Variants in ANKIB1 observed in about 807,000 individuals in gnomAD.
ANKIB1 encodes the protein ankyrin repeat and IBR domain-containing protein 1.
A neutral mutation model predicts 122.1 loss-of-function variants in ANKIB1; 43 were observed. The observed-to-expected ratio is 0.35, with a 90% CI of 0.28 to 0.45. The LOEUF (loss-of-function observed/expected upper bound fraction) is 0.45, where lower values mean the gene tolerates loss of function less well. Ranked by LOEUF, ANKIB1 falls within the 20% of genes least tolerant of loss-of-function variation. The pLI, the probability that ANKIB1 is intolerant of heterozygous loss-of-function variation, is 1.00. For missense variants in ANKIB1, 992 were observed against 1,329.5 expected (o/e 0.75, Z 3.95); for synonymous variants, 390 against 442.0 (o/e 0.88, Z 1.48).
At chr7:92,314,409 C>A (rs534076811) in intron 3 of ANKIB1, among the ~76,000 whole-genome samples, 1 of 152,242 alleles carries the variant, frequency 6.6e-6, no homozygotes, top group Admixed American at 6.5e-5. Context: ...GGGGTACTTC[C>A]AAAGCAGTGT....
At chr7:92,325,515 T>G (rs1250528623) in intron 4 of ANKIB1, among the ~76,000 whole-genome samples, 3 of 152,182 alleles carry the variant, frequency 2.0e-5, no homozygotes, top group Non-Finnish European at 4.4e-5. Flanking sequence ...AGCTCATGGA[T>G]CAGCTAATGA....
intron 3 of ANKIB1, among the ~76,000 whole-genome samples, chr7:92,309,006 A>G (rs769769135): frequency 6.6e-6 from 1 of 152,230 alleles, no homozygotes; most frequent in African/African-American, 2.4e-5. Flanking sequence ...TACCAAAAAT[A>G]TGAATGTTCA....
intron 1 of ANKIB1, among the ~76,000 whole-genome samples, chr7:92,264,709 G>A (rs920993356): frequency 1.3e-5 from 2 of 152,068 alleles, no homozygotes; most frequent in African/African-American, 2.4e-5. Flanking sequence ...ACTGTGCCCA[G>A]CCTCATTTGT....
intron 9 of ANKIB1, among the ~76,000 whole-genome samples, chr7:92,353,651 G>C (rs374305373): frequency 6.6e-6 from 1 of 152,072 alleles, no homozygotes; most frequent in Non-Finnish European, 1.5e-5. Context: ...TCTTACCTTC[G>C]CCATCATCAT....
chr7:92,385,331 C>T (rs1562799437), intron 11 of ANKIB1, among the ~76,000 whole-genome samples: 1 of 152,198 alleles, frequency 6.6e-6, no homozygotes, highest in Admixed American at 6.5e-5. Flanking sequence ...GGCGATTTCT[C>T]AAGTATCTAG....
At chr7:92,334,567 A>T (rs1287257006) in intron 5 of ANKIB1, among the ~76,000 whole-genome samples, 1 of 152,046 alleles carries the variant, frequency 6.6e-6, no homozygotes, top group African/African-American at 2.4e-5. Flanking sequence ...AGAACAAAGT[A>T]AAATAAATAA....
At chr7:92,373,921 A>G (rs1292893873) in intron 11 of ANKIB1, among the ~76,000 whole-genome samples, 1 of 152,232 alleles carries the variant, frequency 6.6e-6, no homozygotes, top group South Asian at 2.1e-4. Flanking sequence ...TAAATCATGT[A>G]TAGTATCTGA....
rs377145243 is a variant in ANKIB1, at chr7:92,322,626, A to T, written c.669+3114A>T. Reference sequence around the variant, plus strand: ...ATATTGAATTTTTAATGCAAAAGTAAGATCATGTCATATATTGTATTCTAT... The same window carrying T: ...ATATTGAATTTTTAATGCAAAAGTATGATCATGTCATATATTGTATTCTAT... On this transcript the variant is annotated intron_variant, in intron 4 of 19. Coordinates refer to ENST00000265742, the MANE Select transcript of ANKIB1 (RefSeq NM_019004.2). Among the ~76,000 whole-genome samples the T allele has an allele frequency of 3.2e-4, 48 of 152,316 alleles. 1 individual carries two copies. Among genetic ancestry groups the T allele is most frequent in the African/African-American group, 9.9e-4 (41 of 41,592 alleles).
chr7:92,369,059 C>T (rs1350642067), intron 10 of ANKIB1, among the ~76,000 whole-genome samples: 1 of 152,124 alleles, frequency 6.6e-6, no homozygotes, highest in East Asian at 1.9e-4. Flanking sequence ...GAAGAAAGGC[C>T]ACTACTTTTA....
At chr7:92,306,114 G>C (rs1802557245) in intron 2 of ANKIB1, among the ~76,000 whole-genome samples, 1 of 143,398 alleles carries the variant, frequency 7.0e-6, no homozygotes, top group Non-Finnish European at 1.5e-5. Flanking sequence ...ATCCCAGATT[G>C]ATATTTTTAG....
intron 2 of ANKIB1, among the ~76,000 whole-genome samples, chr7:92,300,462 G>A (rs556497922): frequency 6.6e-6 from 1 of 152,090 alleles, no homozygotes; most frequent in Admixed American, 6.5e-5. Context: ...CTCATTTCCT[G>A]AGAATAAACA....
At chr7:92,289,690 A>G (rs566453880) in intron 1 of ANKIB1, among the ~76,000 whole-genome samples, 1 of 152,334 alleles carries the variant, frequency 6.6e-6, no homozygotes, top group East Asian at 1.9e-4. Context: ...CAAAATTACC[A>G]TTGGTCAATA....
At chr7:92,292,623 A>G (rs1802272876) in intron 1 of ANKIB1, among the ~76,000 whole-genome samples, 1 of 152,196 alleles carries the variant, frequency 6.6e-6, no homozygotes, top group East Asian at 1.9e-4. Flanking sequence ...GCTGTAGTAT[A>G]TTGTGTATAG....
chr7:92,350,898 T>G (rs1292725081), intron 7 of ANKIB1, 52 bp from the exon 8 acceptor site: 39 of 1,510,634 alleles, frequency 2.6e-5, no homozygotes, highest in Non-Finnish European at 3.4e-5. Context: ...TTAGAATGTA[T>G]GCACAACTTA....
intron 1 of ANKIB1, among the ~76,000 whole-genome samples, chr7:92,270,121 G>T (rs975521179): frequency 2.0e-5 from 3 of 152,080 alleles, no homozygotes; most frequent in Non-Finnish European, 4.4e-5. Context: ...GGAGTGCAGT[G>T]GTGTCATCAC....
At chr7:92,333,386 T>G (rs1381636972) in intron 5 of ANKIB1, among the ~76,000 whole-genome samples, 6 of 152,166 alleles carry the variant, frequency 3.9e-5, no homozygotes, top group Non-Finnish European at 7.4e-5. Context: ...GGTGTTACCC[T>G]CCCTCCTGCC....
intron 5 of ANKIB1, among the ~76,000 whole-genome samples, chr7:92,329,248 G>C (rs1389495959): frequency 6.6e-6 from 1 of 152,106 alleles, no homozygotes; most frequent in Admixed American, 6.6e-5. Context: ...TTACAGGCGT[G>C]AGTCACCGCA....
intron 11 of ANKIB1, among the ~76,000 whole-genome samples, chr7:92,374,887 A>T (rs1373621181): frequency 2.6e-5 from 4 of 152,102 alleles, no homozygotes; most frequent in Non-Finnish European, 5.9e-5. Context: ...AGAAAAAAAA[A>T]ATGAAGGTGA....
intron 17 of ANKIB1, among the ~76,000 whole-genome samples, chr7:92,395,222 AT>A (rs1279642497): frequency 6.6e-6 from 1 of 152,174 alleles, no homozygotes; most frequent in Non-Finnish European, 1.5e-5. Flanking sequence ...AACTTTAAAC[AT>A]TGTCACAAAT....
Sources: gnomAD v4.1 joint callset for allele counts (sites outside exome capture counted in the v4.1 genomes callset) on GRCh38, gnomAD v4.1.1 for gene constraint, MANE v1.5 for transcripts, NCBI Gene and HGNC (gene_info 2026-07-23, HGNC 2026-07-21) for gene names.